SLC19A1: variants seen among roughly 807,000 people sequenced by gnomAD.
SLC19A1 encodes solute carrier family 19 member 1, also known as reduced folate transporter.
A neutral mutation model predicts 35.3 loss-of-function variants in SLC19A1; 37 were observed. That is an observed-to-expected ratio of 1.05 (90% CI 0.81 to 1.38). SLC19A1 has a LOEUF of 1.38. Ranked by LOEUF, SLC19A1 falls within the 40% of genes most tolerant of loss-of-function variation. The probability of loss-of-function intolerance (pLI) is 0.00; values close to 1 mark genes in which losing one functional copy is unlikely to be tolerated. For missense variants in SLC19A1, 831 were observed against 826.9 expected, an observed-to-expected ratio of 1.00 and a Z score of -0.06; for synonymous variants, 460 against 398.5, an observed-to-expected ratio of 1.15 and a Z score of -1.84.
chr21:45,503,456 A>AT (rs1230499378), intron 3 of SLC19A1, among the ~76,000 whole-genome samples: 1 of 152,188 alleles, frequency 6.6e-6, no homozygotes, highest in Non-Finnish European at 1.5e-5. Context: ...CTACGCAGCC[A>AT]TAAAAAATGA....
At chr21:45,553,284 C>T (rs555585064) in intron 1 of SLC19A1, among the ~76,000 whole-genome samples, 1 of 152,116 alleles carries the variant, frequency 6.6e-6, no homozygotes, top group Admixed American at 6.5e-5. Flanking sequence ...AGGACCTGTG[C>T]AAGGGTCATG....
At chr21:45,541,287 G>A (rs1218840668) in intron 1 of SLC19A1, among the ~76,000 whole-genome samples, 1 of 152,286 alleles carries the variant, frequency 6.6e-6, no homozygotes, top group African/African-American at 2.4e-5. Flanking sequence ...CGGCCAGTGA[G>A]ATGCAGCCTG....
rs530889367 is a variant in SLC19A1, at chr21:45,553,578, G to C, written c.-50+9164C>G. On this transcript the variant is annotated intron_variant, in intron 1 of 5. Transcript: ENST00000650808. The stretch of plus-strand genomic sequence containing the variant: ...CCCCCATCATCTCCAGAACTCTTTC[G>C]TCCTGCAAAACTGAAGCTCTGCACC... 1.2e-4 allele frequency among the ~76,000 whole-genome samples: 18 copies of C among 148,818 alleles called. No homozygotes were observed. The South Asian group carries it at 3.8e-3, about 32-fold the overall frequency.
In SLC19A1 at chr21:45,512,898, C is replaced by T. The variant is rs2037693840; in HGVS notation, c.*2760G>A. On this transcript the variant is annotated 3_prime_UTR_variant, in exon 6 of 6. Transcript: ENST00000311124. Reference sequence around the variant, plus strand: ...GGGCTCCTCCAGGGTGTGTGCTCGCCCTGCGGTAGATGGGAGGGAGGCTCA... The same window carrying T: ...GGGCTCCTCCAGGGTGTGTGCTCGCTCTGCGGTAGATGGGAGGGAGGCTCA... The T allele has an allele frequency of 1.5e-5, 3 of 203,282 alleles. No homozygotes were observed. The highest frequency in any genetic ancestry group is 3.1e-5 in the Non-Finnish European group (3 of 98,104). 12.6% of individuals were successfully genotyped at this position (203,282 alleles called of 1,614,324 possible).
chr21:45,559,104 G>A (rs2078591174), intron 1 of SLC19A1, among the ~76,000 whole-genome samples: 1 of 152,148 alleles, frequency 6.6e-6, no homozygotes, highest in African/African-American at 2.4e-5. Flanking sequence ...ACCGTGCCTG[G>A]CCTAAATTGA....
At chr21:45,532,458 G>A (rs2077966781) in intron 2 of SLC19A1, among the ~76,000 whole-genome samples, 1 of 152,234 alleles carries the variant, frequency 6.6e-6, no homozygotes. Context: ...TCTTGGGACA[G>A]AGTCTTGCTC....
intron 2 of SLC19A1, among the ~76,000 whole-genome samples, chr21:45,535,360 C>T (rs1202338039): frequency 6.6e-6 from 1 of 152,240 alleles, no homozygotes; most frequent in Non-Finnish European, 1.5e-5. Context: ...TCCAGAGAAA[C>T]ACCGTATGTA....
Position 45,530,868 on chromosome 21 carries a change from G to T in SLC19A1, c.1053C>A (p.Phe351Leu). ...GVTATQAGLV[F>L]LLAHTRHPSS... is the part of the protein sequence containing the mutation. ...TCGGGTGGCGCGTGTGCGCCAGAAGGAAGACCAGCCCCGCCTGCGTGGCCG... is the reference window on the plus strand; with the variant it reads ...TCGGGTGGCGCGTGTGCGCCAGAAGTAAGACCAGCCCCGCCTGCGTGGCCG... Residue 351 changes from phenylalanine (F) to leucine (L), a missense_variant, in exon 4 of 6, where the codon TTC (phenylalanine) becomes TTA (leucine). By Grantham distance (22) the Phe-to-Leu change is conservative (BLOSUM62 0). Transcript: ENST00000311124. This position sits in a 1 kb window ranked among gnomAD's most constrained non-coding sequence, Gnocchi z 5.3. 6.7e-7 allele frequency: 1 copy of T among 1,492,270 alleles called. No individual in the cohort carries two copies. Among genetic ancestry groups the T allele is most frequent in the Non-Finnish European group, 8.9e-7 (1 of 1,121,218 alleles). 92.4% of individuals were successfully genotyped at this position (1,492,270 alleles called of 1,614,324 possible). A position where few individuals can be genotyped will look rare whatever the true frequency, so the allele number is the denominator to read the frequency against.
In SLC19A1 at chr21:45,531,941, G is replaced by A. The variant is rs1264646995; in HGVS notation, c.397C>T (p.Arg133Cys). The part of the protein sequence containing the change: ...ELFYSVTMAA[R>C]IAYSSYIFSL... ...AAGATGTAGGAGGAATAGGCGATGC[G>A]CGCGGCCATGGTGACGCTGTAGAAG... The change falls in exon 3 of 6, where the codon CGC (arginine) becomes TGC (cysteine). Residue 133 changes from arginine to cysteine, a missense_variant. Transcript: ENST00000311124. The A allele has an allele frequency of 6.2e-6, 10 of 1,603,446 alleles. No individual in the cohort carries two copies. The highest frequency in any genetic ancestry group is 8.5e-6 in the Non-Finnish European group (10 of 1,175,988).
At chr21:45,526,598 T>TG (rs1379452611) in intron 4 of SLC19A1, among the ~76,000 whole-genome samples, 1 of 152,264 alleles carries the variant, frequency 6.6e-6, no homozygotes, top group African/African-American at 2.4e-5. Context: ...TTTTTTTAGA[T>TG]GGAGTCTCGC....
chr21:45,546,583 A>T (rs1207330324), upstream of SLC19A1, among the ~76,000 whole-genome samples: 1 of 152,266 alleles, frequency 6.6e-6, no homozygotes, highest in African/African-American at 2.4e-5. Flanking sequence ...AATCATGCTT[A>T]AATAGCCCAT....
intron 3 of SLC19A1, chr21:45,504,387 T>C: frequency 6.2e-7 from 1 of 1,605,430 alleles, no homozygotes; most frequent in Non-Finnish European, 8.5e-7. Context: ...GGTTCAGGGC[T>C]CCCGTGTAAC....
Position 45,517,849 on chromosome 21 carries a change from G to T in SLC19A1, c.1294-1709C>A, listed in dbSNP as rs915989696. Among the ~76,000 whole-genome samples, 6 of 152,184 alleles carry T rather than the reference G, an allele frequency of 3.9e-5. No individual in the cohort carries two copies. The highest frequency in any genetic ancestry group is 1.5e-5 in the Non-Finnish European group (1 of 68,028). ...CCACCCTCCCTCAGGTGTCACAAAG[G>T]CTGAGTGAGAGCCTGGACTTCCACC... On this transcript the variant is annotated intron_variant, in intron 5 of 5. Coordinates refer to ENST00000311124, the MANE Select transcript of SLC19A1 (RefSeq NM_194255.4). The surrounding 1 kb of genome is among the most constrained non-coding windows in gnomAD (Gnocchi z 4.4).
intron 2 of SLC19A1, chr21:45,536,225 C>A (rs1602867126): frequency 1.3e-5 from 2 of 156,104 alleles, no homozygotes; most frequent in African/African-American, 4.8e-5. Flanking sequence ...ACTTTTTAAT[C>A]CGTTAATGTA....
upstream of SLC19A1, chr21:45,542,503 G>T (rs578075226): frequency 2.7e-5 from 4 of 150,842 alleles, no homozygotes; most frequent in African/African-American, 4.8e-5. Flanking sequence ...CGCCGAACGC[G>T]TCCTGAGGGC....
At chr21:45,535,381 A>G (rs1029361590) in intron 2 of SLC19A1, among the ~76,000 whole-genome samples, 13 of 152,252 alleles carry the variant, frequency 8.5e-5, no homozygotes, top group African/African-American at 2.9e-4. Flanking sequence ...ACACACAACC[A>G]GTCCAATCCC....
chr21:45,531,695 C>T lies in SLC19A1; in HGVS notation c.643G>A (p.Asp215Asn). ...GAGGTTTCGCACCGCCCCCGGTCGT[C>T]GCGGTTGAAGAAGAGGCTGCGCTTG... Reference protein sequence around the residue: ...RPKRSLFFNRDDRGRCETSAS... With the variant: ...RPKRSLFFNRNDRGRCETSAS... Residue 215 changes from aspartate to asparagine, a missense_variant, in exon 3 of 6, where the codon GAC becomes AAC. Physicochemically the swap from Asp to Asn is conservative, Grantham distance 23 (BLOSUM62 1). Coordinates refer to ENST00000311124, the MANE Select transcript of SLC19A1 (RefSeq NM_194255.4). The T allele has an allele frequency of 1.2e-6, 2 of 1,612,624 alleles. No individual in the cohort carries two copies. Among genetic ancestry groups the T allele is most frequent in the Non-Finnish European group, 1.7e-6 (2 of 1,179,748 alleles).
At chr21:45,556,870 G>T (rs1010330907) in intron 1 of SLC19A1, among the ~76,000 whole-genome samples, 1 of 152,202 alleles carries the variant, frequency 6.6e-6, no homozygotes, top group Non-Finnish European at 1.5e-5. Flanking sequence ...CACAGCAACC[G>T]GCCTGCACGT....
At chr21:45,521,812 C>CA (rs1171000868) in intron 5 of SLC19A1, among the ~76,000 whole-genome samples, 8 of 149,716 alleles carry the variant, frequency 5.3e-5, no homozygotes, top group South Asian at 2.1e-4. Flanking sequence ...ACGCACAGGC[C>CA]AAAAAAAAAG....
Sources: gnomAD v4.1 joint callset for allele counts (sites outside exome capture counted in the v4.1 genomes callset) on GRCh38, gnomAD v4.1.1 for gene constraint, Gnocchi (gnomAD v3.1) non-coding constraint, MANE v1.5 for transcripts, NCBI Gene and HGNC (gene_info 2026-07-23, HGNC 2026-07-21) for gene names.